INPP4A: variants seen among roughly 807,000 people sequenced by gnomAD.
INPP4A encodes the protein inositol polyphosphate-4-phosphatase type I A, also known as inositol polyphosphate-4-phosphatase, type I, 107kD.
INPP4A carries 33 observed loss-of-function variants against 119.8 expected under a neutral mutation model. That is an observed-to-expected ratio of 0.28 (90% CI 0.21 to 0.37). The LOEUF (loss-of-function observed/expected upper bound fraction) is 0.37. Among genes scored for constraint, INPP4A ranks in the 10% least tolerant of loss-of-function variants. The probability of loss-of-function intolerance (pLI) is 1.00; values close to 1 mark genes in which losing one functional copy is unlikely to be tolerated. For missense variants in INPP4A, 956 were observed against 1,289.9 expected (o/e 0.74, Z 3.97); for synonymous variants, 496 against 500.7 (o/e 0.99, Z 0.12).
In INPP4A at chr2:98,555,556, A is replaced by G. The variant is rs545370324; in HGVS notation, c.1570A>G (p.Lys524Glu). The part of the protein sequence containing the change: ...QVDWHEEEWE[K>E]VWLNVDKSLE... ...ATGGGCCCCTTTGATTTGGAAGGAGAAAGTGTGGCTGAACGTGGACAAGAG... is the reference window on the plus strand; with the variant it reads ...ATGGGCCCCTTTGATTTGGAAGGAGGAAGTGTGGCTGAACGTGGACAAGAG... Residue 524 changes from lysine to glutamate, a missense_variant, in exon 16 of 25, where the codon AAA becomes GAA. This residue lies in a region of INPP4A where 652 missense variants were observed against 797.9 expected (regional missense o/e 0.82). Coordinates refer to ENST00000409851, the MANE Select transcript of INPP4A (RefSeq NM_001134225.2). The G allele has an allele frequency of 6.3e-7, 1 of 1,595,568 alleles. No individual in the cohort carries two copies. The highest frequency in any genetic ancestry group is 2.2e-5 in the East Asian group (1 of 44,496).
intron 1 of INPP4A, among the ~76,000 whole-genome samples, chr2:98,474,222 CAA>C (rs1261022682): frequency 6.6e-6 from 1 of 152,200 alleles, no homozygotes; most frequent in African/African-American, 2.4e-5. Context: ...TTGACAGCCT[CAA>C]GAGCGGCCTG....
At chr2:98,579,149 T>C (rs1425137505) in intron 24 of INPP4A, among the ~76,000 whole-genome samples, 1 of 151,508 alleles carries the variant, frequency 6.6e-6, no homozygotes, top group African/African-American at 2.4e-5. Flanking sequence ...ACCTCCAGAG[T>C]TTAAGCAATT....
At chr2:98,533,347 A>C in intron 4 of INPP4A, 30 bp from the exon 5 acceptor site, 2 of 1,386,466 alleles carry the variant, frequency 1.4e-6, no homozygotes, top group Non-Finnish European at 2.1e-6. Flanking sequence ...GTTTTAAAGG[A>C]TTCATTTCTT....
In INPP4A at chr2:98,569,475, A is replaced by T. The variant is rs1456986761; in HGVS notation, c.2518+807A>T. 1.3e-5 allele frequency: 2 copies of T among 152,292 alleles called. No homozygotes were observed. Among genetic ancestry groups the T allele is most frequent in the African/African-American group, 4.8e-5 (2 of 41,452 alleles). The allele number at this position is 152,292 out of a possible 1,614,324, so 9.4% of individuals were successfully genotyped here. The stretch of plus-strand genomic sequence containing the variant: ...GGGGGTTTCCAAAGAGGGAACCCAC[A>T]TCGGCTGGGCTTTGCATTGGGCAGG... On this transcript the variant is annotated intron_variant, in intron 22 of 24. Coordinates refer to ENST00000409851, the MANE Select transcript of INPP4A (RefSeq NM_001134225.2). This position sits in a 1 kb window ranked among gnomAD's most constrained non-coding sequence, Gnocchi z 5.1.
chr2:98,584,125 G>C (rs1230189464), intron 24 of INPP4A, among the ~76,000 whole-genome samples: 1 of 152,248 alleles, frequency 6.6e-6, no homozygotes, highest in Non-Finnish European at 1.5e-5. Context: ...CATGACAATA[G>C]TCCCTGGGCA....
At position 98,560,671 on chromosome 2, in the gene INPP4A, G is replaced by A. The variant is rs139956693; in HGVS notation, c.1855+1176G>A. The stretch of plus-strand genomic sequence containing the variant: ...TGGTCTCCTCCTCCGTTGCCTCCCC[G>A]GGCCCATGCCTCAGCTGACCTCCAC... On this transcript the variant is annotated intron_variant, in intron 17 of 24. Transcript: ENST00000409851. 1.8e-4 allele frequency among the ~76,000 whole-genome samples: 27 copies of A among 152,254 alleles called. No homozygotes were observed. In the East Asian group the frequency reaches 4.4e-3, roughly 25 times the overall value.
intron 10 of INPP4A, among the ~76,000 whole-genome samples, chr2:98,543,332 T>C (rs1436251077): frequency 6.6e-6 from 1 of 152,066 alleles, no homozygotes; most frequent in Non-Finnish European, 1.5e-5. Flanking sequence ...ATTCTGCGGC[T>C]CCCCTATCCG....
At chr2:98,482,313 G>A (rs1451280298) in intron 1 of INPP4A, among the ~76,000 whole-genome samples, 1 of 152,202 alleles carries the variant, frequency 6.6e-6, no homozygotes, top group African/African-American at 2.4e-5. Flanking sequence ...ATCCTAGAGG[G>A]ACAGCAGGTT....
At chr2:98,493,159 G>T (rs1401010804) in intron 1 of INPP4A, among the ~76,000 whole-genome samples, 1 of 152,124 alleles carries the variant, frequency 6.6e-6, no homozygotes, top group African/African-American at 2.4e-5. Context: ...GAACATGTTG[G>T]TGACTCCCTT....
chr2:98,481,093 A>G (rs975242045), intron 1 of INPP4A, among the ~76,000 whole-genome samples: 3 of 152,190 alleles, frequency 2.0e-5, no homozygotes, highest in African/African-American at 4.8e-5. Flanking sequence ...TCTGCTAGTT[A>G]CCTTTCAATG....
chr2:98,496,101 T>C (rs901207703), intron 1 of INPP4A, among the ~76,000 whole-genome samples: 1 of 152,184 alleles, frequency 6.6e-6, no homozygotes, highest in African/African-American at 2.4e-5. Context: ...TCTGTTTTAA[T>C]GTTAATGCTG....
intron 17 of INPP4A, among the ~76,000 whole-genome samples, chr2:98,562,151 C>T (rs1247571973): frequency 6.6e-6 from 1 of 152,238 alleles, no homozygotes; most frequent in Admixed American, 6.5e-5. Context: ...TAAGACCTGT[C>T]TGCTGTGGAC....
At chr2:98,558,925 A>G (rs894969538) in intron 16 of INPP4A, among the ~76,000 whole-genome samples, 1 of 152,214 alleles carries the variant, frequency 6.6e-6, no homozygotes, top group East Asian at 1.9e-4. Context: ...AGATTGGCAT[A>G]GAGTTTTTTT....
rs1186227278 is a variant in INPP4A, at chr2:98,538,879, A to G, written c.580-12A>G. The G allele has an allele frequency of 6.5e-7, 1 of 1,545,142 alleles. No homozygotes were observed. The highest frequency in any genetic ancestry group is 2.2e-5 in the East Asian group (1 of 44,518). ...TCACAGTTTTCTTGTGCATTTCCTT[A>G]TACATTATCAGATGGTTCTTCCTGT... On this transcript the variant is annotated splice_polypyrimidine_tract_variant and intron_variant, in intron 8 of 24. Coordinates refer to ENST00000409851, the MANE Select transcript of INPP4A (RefSeq NM_001134225.2).
At chr2:98,525,366 T>C (rs995316979) in intron 4 of INPP4A, among the ~76,000 whole-genome samples, 1 of 152,226 alleles carries the variant, frequency 6.6e-6, no homozygotes, top group Non-Finnish European at 1.5e-5. Flanking sequence ...GCTCCTGTGA[T>C]AGATTGAGCC....
chr2:98,529,643 G>A (rs1264839288), intron 4 of INPP4A, among the ~76,000 whole-genome samples: 1 of 152,164 alleles, frequency 6.6e-6, no homozygotes, highest in Non-Finnish European at 1.5e-5. Context: ...GGCTGAGGCA[G>A]GAGAATGGCG....
intron 11 of INPP4A, among the ~76,000 whole-genome samples, chr2:98,545,457 A>T (rs1053878990): frequency 6.6e-6 from 1 of 152,170 alleles, no homozygotes; most frequent in African/African-American, 2.4e-5. Flanking sequence ...TGCATTTGTT[A>T]TCTTGATGGG....
chr2:98,498,551 C>T (rs529104282), intron 1 of INPP4A, among the ~76,000 whole-genome samples: 1 of 151,970 alleles, frequency 6.6e-6, no homozygotes, highest in South Asian at 2.1e-4. Flanking sequence ...CTCTTGGCCT[C>T]TCACTGGCAA....
intron 4 of INPP4A, among the ~76,000 whole-genome samples, chr2:98,523,514 C>T (rs1687632454): frequency 6.6e-6 from 1 of 151,900 alleles, no homozygotes; most frequent in South Asian, 2.1e-4. Flanking sequence ...CCTGCCTCAG[C>T]CTCCCGAGTA....
Sources: gnomAD v4.1 joint callset for allele counts (sites outside exome capture counted in the v4.1 genomes callset) on GRCh38, gnomAD v4.1.1 for gene constraint, gnomAD v4.1.1 regional missense constraint, Gnocchi (gnomAD v3.1) non-coding constraint, MANE v1.5 for transcripts, NCBI Gene and HGNC (gene_info 2026-07-23, HGNC 2026-07-21) for gene names.